The following PLVAP variants were observed in gnomAD, a reference collection of about 807,000 sequenced individuals.
PLVAP encodes the protein plasmalemma vesicle associated protein.
PLVAP carries 34 observed loss-of-function variants against 43.1 expected under a neutral mutation model. That is an observed-to-expected ratio of 0.79 (90% CI 0.60 to 1.05). The LOEUF is 1.05. Ranked by LOEUF, PLVAP falls within the 50% of genes least tolerant of loss-of-function variation. The pLI is 0.00. For missense variants in PLVAP, 574 were observed against 593.4 expected, an observed-to-expected ratio of 0.97 and a Z score of 0.34; for synonymous variants, 241 against 237.3, an observed-to-expected ratio of 1.02 and a Z score of -0.14.
intron 3 of PLVAP, 47 bp downstream of exon 3, chr19:17,365,239 C>G (rs1167995386): frequency 4.6e-6 from 7 of 1,535,980 alleles, no homozygotes; most frequent in Non-Finnish European, 5.3e-6. Context: ...CTCTTGGCAT[C>G]TGGACCTAAC....
At position 17,360,589 on chromosome 19, in the gene PLVAP, A is replaced by T; in HGVS notation, c.1261T>A (p.Phe421Ile). The T allele has an allele frequency of 6.2e-7, 1 of 1,612,370 alleles. No individual in the cohort carries two copies. Residue 421 changes from phenylalanine to isoleucine, a missense_variant, in exon 5 of 6, where the codon TTC (phenylalanine) becomes ATC (isoleucine). Physicochemically the swap from Phe to Ile is conservative, Grantham distance 21. Transcript: ENST00000252590. ...TGGGACTCCAGGATCTTCCTCTTGA[A>T]CTCCTCCAGGCTAGCTGGGTCTGTG... ...QPIDPASLEE[F>I]KRKILESQRP...
chr19:17,353,044 C>A (rs369047058), intron 5 of PLVAP, among the ~76,000 whole-genome samples: 163 of 152,374 alleles, frequency 1.1e-3, no homozygotes, highest in African/African-American at 3.6e-3. Context: ...TGCCCTCCCC[C>A]TCCTGGGCCT....
intron 1 of PLVAP, among the ~76,000 whole-genome samples, chr19:17,376,362 C>T (rs1252931287): frequency 6.6e-6 from 1 of 151,630 alleles, no homozygotes; most frequent in South Asian, 2.1e-4. Context: ...TGGTGGTGCA[C>T]GCCTGTAGTC....
chr19:17,374,274 G>T (rs564270296), intron 1 of PLVAP, among the ~76,000 whole-genome samples: 5 of 152,282 alleles, frequency 3.3e-5, no homozygotes, highest in Admixed American at 3.3e-4. Flanking sequence ...AGACCATCCT[G>T]GCTAACACAG....
Position 17,365,578 on chromosome 19 carries a change from C to T in PLVAP, c.887G>A (p.Arg296His), listed in dbSNP as rs144053602. Residue 296 changes from arginine to histidine, a missense_variant, in exon 3 of 6, where the codon CGC becomes CAC. Arg to His is a conservative substitution (Grantham distance 29). Coordinates refer to ENST00000252590, the MANE Select transcript of PLVAP (RefSeq NM_031310.3). The stretch of plus-strand genomic sequence containing the variant: ...GAGGTCTGAGTTCTCGCGGGCCACG[C>T]GTTCGATATCCGCCCGGAGGCTCCG... Reference protein sequence around the residue: ...LARSLRADIERVARENSDLQR... With the variant: ...LARSLRADIEHVARENSDLQR... The T allele has an allele frequency of 8.7e-6, 14 of 1,612,320 alleles. No homozygotes were observed. Among genetic ancestry groups the T allele is most frequent in the East Asian group, 6.7e-5 (3 of 44,900 alleles).
chr19:17,355,884 C>G (rs1464365750), intron 5 of PLVAP, among the ~76,000 whole-genome samples: 1 of 151,932 alleles, frequency 6.6e-6, no homozygotes, highest in African/African-American at 2.4e-5. Context: ...TTTCCAAAGA[C>G]ACTCAGTCTC....
chr19:17,364,003 C>T (rs1475386025), intron 3 of PLVAP, among the ~76,000 whole-genome samples: 2 of 151,988 alleles, frequency 1.3e-5, no homozygotes. Context: ...ACCTCGGCCG[C>T]CCAAAGTGCC....
Position 17,352,155 on chromosome 19 carries a change from G to A in PLVAP, c.*207C>T, listed in dbSNP as rs943014666. 4.7e-6 allele frequency: 3 copies of A among 640,952 alleles called. No individual in the cohort carries two copies. The highest frequency in any genetic ancestry group is 8.1e-6 in the Non-Finnish European group (3 of 370,238). The allele number at this position is 640,952 out of a possible 1,614,324, so 39.7% of individuals were successfully genotyped here. On this transcript the variant is annotated 3_prime_UTR_variant, in exon 6 of 6. Coordinates refer to ENST00000252590, the MANE Select transcript of PLVAP (RefSeq NM_031310.3). ...GTTGCTTGCGTGACGTCATCTCCGC[G>A]GCCGTGTGCTCTGGGTGAGGGATCG...
chr19:17,369,504 G>A lies in PLVAP; in HGVS notation c.370-3309C>T, dbSNP rs561391753. Among the ~76,000 whole-genome samples, 17 of 149,342 alleles carry A rather than the reference G, an allele frequency of 1.1e-4. 2 individuals carry two copies. Among genetic ancestry groups the A allele is most frequent in the Admixed American group, 6.6e-5 (1 of 15,072 alleles). On this transcript the variant is annotated intron_variant, in intron 1 of 5. Transcript: ENST00000252590. ...ACAAAAATTAGCCAGGCATGGAAGC[G>A]CATGCTTGTAGTCCCAGCTATTTGG...
At chr19:17,374,909 C>T (rs1015488000) in intron 1 of PLVAP, among the ~76,000 whole-genome samples, 6 of 150,150 alleles carry the variant, frequency 4.0e-5, no homozygotes, top group Non-Finnish European at 7.4e-5. Context: ...ATCTCTGCCT[C>T]CCAGGTTCAA....
intron 5 of PLVAP, among the ~76,000 whole-genome samples, chr19:17,360,044 C>T (rs2074522003): frequency 6.6e-6 from 1 of 152,138 alleles, no homozygotes; most frequent in Non-Finnish European, 1.5e-5. Context: ...TCCAGCTCTT[C>T]CTCACCAAGG....
chr19:17,365,625 G>A lies in PLVAP; in HGVS notation c.840C>T (p.Ser280=). The A allele has an allele frequency of 6.2e-7, 1 of 1,613,566 alleles. No individual in the cohort carries two copies. Among genetic ancestry groups the A allele is most frequent in the Non-Finnish European group, 8.5e-7 (1 of 1,180,040 alleles). ...RACDHMPSLM[S]SKVEELARSL... ...TCCGGGCCAGCTCCTCCACCTTGGAGCTCATGAGGCTGGGCATGTGGTCGC... is the reference window on the plus strand; with the variant it reads ...TCCGGGCCAGCTCCTCCACCTTGGAACTCATGAGGCTGGGCATGTGGTCGC... Residue 280 remains serine (S), a synonymous_variant, in exon 3 of 6, where the codon AGC becomes AGT. Transcript: ENST00000252590.
In PLVAP at chr19:17,364,230, C is replaced by T. The variant is rs527292582; in HGVS notation, c.1179+1056G>A. Among the ~76,000 whole-genome samples the T allele has an allele frequency of 9.9e-5, 15 of 152,048 alleles. No homozygotes were observed. In the South Asian group the frequency reaches 2.1e-3, roughly 21 times the overall value. ...CCTCCCAAGTAGCTGGGATTACAGA[C>T]GCACGCCGCCACGCCCAGCTAATTT... On this transcript the variant is annotated intron_variant, in intron 3 of 5. Coordinates refer to ENST00000252590, the MANE Select transcript of PLVAP (RefSeq NM_031310.3).
intron 1 of PLVAP, among the ~76,000 whole-genome samples, chr19:17,374,097 G>A (rs1039690095): frequency 1.3e-5 from 2 of 152,184 alleles, no homozygotes; most frequent in Non-Finnish European, 2.9e-5. Context: ...GGGAGGCAGT[G>A]GTTGCAGTGA....
intron 3 of PLVAP, among the ~76,000 whole-genome samples, chr19:17,363,622 G>T (rs12460782): frequency 0.48 from 72,915 of 150,972 alleles, 17,672 homozygotes; most frequent in African/African-American, 0.55. Flanking sequence ...ACTCAAGCTG[G>T]AGTGCAGTGG....
At chr19:17,371,833 T>C (rs2145726152) in intron 1 of PLVAP, among the ~76,000 whole-genome samples, 1 of 152,324 alleles carries the variant, frequency 6.6e-6, no homozygotes, top group Non-Finnish European at 1.5e-5. Context: ...ACTAAAGCCA[T>C]GCCTTTCAAA....
intron 1 of PLVAP, among the ~76,000 whole-genome samples, 162 bp from the exon 2 acceptor site, chr19:17,366,357 C>T (rs2074550173): frequency 6.6e-6 from 1 of 152,126 alleles, no homozygotes; most frequent in South Asian, 2.1e-4. Flanking sequence ...GCAGCTCACA[C>T]CTGTCATCCC....
At chr19:17,363,031 T>C (rs954908448) in intron 3 of PLVAP, among the ~76,000 whole-genome samples, 6 of 152,154 alleles carry the variant, frequency 3.9e-5, no homozygotes, top group Non-Finnish European at 7.3e-5. Context: ...ACCCACCAGC[T>C]CCCTACGCTC....
At chr19:17,371,816 TTA>T (rs2074573158) in intron 1 of PLVAP, among the ~76,000 whole-genome samples, 1 of 152,154 alleles carries the variant, frequency 6.6e-6, no homozygotes, top group Non-Finnish European at 1.5e-5. Flanking sequence ...TGTTCACAAT[TTA>T]ACAAACTAAA....
Sources: allele counts gnomAD v4.1 joint callset (sites outside exome capture counted in the v4.1 genomes callset), GRCh38; gene constraint gnomAD v4.1.1; transcripts MANE v1.5; gene names NCBI Gene and HGNC (gene_info 2026-07-23, HGNC 2026-07-21).